RPS6KA2: variants seen among roughly 807,000 people sequenced by gnomAD.
RPS6KA2 encodes ribosomal protein S6 kinase alpha-2.
Under a neutral mutation model 91.8 loss-of-function variants are expected in RPS6KA2, and 42 were observed. The observed-to-expected ratio is 0.46, with a 90% confidence interval of 0.36 to 0.59. The LOEUF (loss-of-function observed/expected upper bound fraction) is 0.59. Among genes scored for constraint, RPS6KA2 ranks in the 20% least tolerant of loss-of-function variants. The pLI is 0.00. For synonymous variants in RPS6KA2, 414 were observed against 393.6 expected, an observed-to-expected ratio of 1.05 and a Z score of -0.61; for missense variants, 798 against 978.5, an observed-to-expected ratio of 0.82 and a Z score of 2.46.
intron 2 of RPS6KA2, among the ~76,000 whole-genome samples, chr6:166,804,596 G>T (rs1779444967): frequency 6.6e-6 from 1 of 151,704 alleles, no homozygotes; most frequent in African/African-American, 2.4e-5. Flanking sequence ...TCAATGAGAG[G>T]TCTAGGCATT....
intron 2 of RPS6KA2, among the ~76,000 whole-genome samples, chr6:166,815,851 T>C (rs1779747143): frequency 6.6e-6 from 1 of 152,198 alleles, no homozygotes; most frequent in Admixed American, 6.5e-5. Context: ...TTGCCTACTT[T>C]TCCTTAGGCC....
chr6:166,604,903 G>C (rs1167619682), intron 1 of RPS6KA2, among the ~76,000 whole-genome samples: 2 of 152,060 alleles, frequency 1.3e-5, no homozygotes, highest in African/African-American at 4.8e-5. Context: ...AGTTCTGCTT[G>C]ACACTTAAAT....
intron 2 of RPS6KA2, among the ~76,000 whole-genome samples, chr6:166,685,583 G>GATT (rs1184226856): frequency 6.6e-6 from 1 of 152,122 alleles, no homozygotes; most frequent in African/African-American, 2.4e-5. Context: ...CATTCCCTAG[G>GATT]ATTAGGGAAG....
chr6:166,626,937 C>A lies in RPS6KA2; in HGVS notation c.83G>T (p.Ser28Ile). 6.5e-7 allele frequency: 1 copy of A among 1,549,328 alleles called. No individual in the cohort carries two copies. The highest frequency in any genetic ancestry group is 1.2e-5 in the South Asian group (1 of 84,310). The change falls in exon 1 of 21, where the codon AGC becomes ATC. Residue 28 changes from serine (S) to isoleucine (I), a missense_variant. By Grantham distance (142) the Ser-to-Ile change is moderately radical. Coordinates refer to ENST00000265678, the MANE Select transcript of RPS6KA2 (RefSeq NM_021135.6). The surrounding 1 kb of genome is among the most constrained non-coding windows in gnomAD (Gnocchi z 4.1). ...LRRKSRSKSS[S>I]LSRLEEEGVV... ...CCGCATTACCTCGAGCCGGCTCAGG[C>A]TGGAGCTCTTGGAGCGCGACTTCCT...
intron 11 of RPS6KA2, among the ~76,000 whole-genome samples, chr6:166,469,404 T>C (rs2128464715): frequency 6.6e-6 from 1 of 150,622 alleles, no homozygotes; most frequent in Non-Finnish European, 1.5e-5. Context: ...GTATCGAATC[T>C]GGGCCTGCCC....
intron 2 of RPS6KA2, among the ~76,000 whole-genome samples, chr6:166,727,397 TG>T (rs1292872255): frequency 6.6e-6 from 1 of 152,100 alleles, no homozygotes; most frequent in Non-Finnish European, 1.5e-5. Flanking sequence ...TCCTGAGGTT[TG>T]GAAGATGGGT....
At chr6:166,580,674 CT>C (rs1212582570) in intron 1 of RPS6KA2, among the ~76,000 whole-genome samples, 1 of 146,080 alleles carries the variant, frequency 6.8e-6, no homozygotes, top group Non-Finnish European at 1.5e-5. Flanking sequence ...CCCCCAACCC[CT>C]GACCCCCTCA....
intron 10 of RPS6KA2, among the ~76,000 whole-genome samples, chr6:166,485,483 A>T (rs7776293): frequency 6.6e-6 from 1 of 151,910 alleles, no homozygotes; most frequent in East Asian, 1.9e-4. Flanking sequence ...TCCCAGAAGG[A>T]TTACATCCAC....
intron 1 of RPS6KA2, among the ~76,000 whole-genome samples, chr6:166,558,577 G>C (rs1292026801): frequency 1.3e-5 from 2 of 152,192 alleles, no homozygotes; most frequent in African/African-American, 4.8e-5. Context: ...GCTGGGCTGG[G>C]GCAGGGGGAG....
intron 2 of RPS6KA2, among the ~76,000 whole-genome samples, chr6:166,829,419 G>A (rs987042130): frequency 2.0e-4 from 31 of 151,454 alleles, no homozygotes; most frequent in Admixed American, 7.9e-4. Flanking sequence ...GAGAAACCCC[G>A]TCTCTACTAA....
chr6:166,617,647 A>C (rs1786464271), intron 1 of RPS6KA2, among the ~76,000 whole-genome samples: 1 of 152,132 alleles, frequency 6.6e-6, no homozygotes, highest in Non-Finnish European at 1.5e-5. Context: ...AACCCTCTAC[A>C]CCCAAGTCCT....
At position 166,737,864 on chromosome 6, in the gene RPS6KA2, TTTGA is replaced by T. The variant is rs1790711653; in HGVS notation, c.123+120332_123+120335del. On this transcript the variant is annotated intron_variant, in intron 2 of 21. Coordinates refer to the RPS6KA2 transcript ENST00000503859. This position sits in a 1 kb window ranked among gnomAD's most constrained non-coding sequence, Gnocchi z 4.3. The stretch of plus-strand genomic sequence containing the variant: ...TTATTTTCTCATAAACAGAAATAAC[TTTGA>T]TTATGAAACGAAGCTATTTCTCATT... Among the ~76,000 whole-genome samples the T allele has an allele frequency of 6.6e-6, 1 of 152,244 alleles. No homozygotes were observed. The highest frequency in any genetic ancestry group is 2.1e-4 in the South Asian group (1 of 4,830).
Position 166,474,694 on chromosome 6 carries a change from A to G in RPS6KA2, c.908-4789T>C, listed in dbSNP as rs546265901. Among the ~76,000 whole-genome samples, 304 of 152,326 alleles carry G rather than the reference A, an allele frequency of 2.0e-3. 3 individuals carry two copies. Among genetic ancestry groups the G allele is most frequent in the African/African-American group, 6.9e-3 (286 of 41,574 alleles). Reference sequence around the variant, plus strand: ...AGTTCCTGATCTCAGTGCAGGATACATTTACAGCTGTTTCTAGACATCACT... The same window carrying G: ...AGTTCCTGATCTCAGTGCAGGATACGTTTACAGCTGTTTCTAGACATCACT... On this transcript the variant is annotated intron_variant, in intron 10 of 20. Transcript: ENST00000265678.
At chr6:166,671,552 C>T (rs566011422) in intron 2 of RPS6KA2, among the ~76,000 whole-genome samples, 104 of 152,290 alleles carry the variant, frequency 6.8e-4, no homozygotes, top group Non-Finnish European at 1.2e-3. Flanking sequence ...GTTTCAACCA[C>T]ACCAGCCCAG....
rs1474833369 is a variant in RPS6KA2, at chr6:166,448,662, C to T, written c.1332+62G>A. The T allele has an allele frequency of 1.2e-5, 19 of 1,535,822 alleles. No homozygotes were observed. The highest frequency in any genetic ancestry group is 2.4e-5 in the South Asian group (2 of 83,490). On this transcript the variant is annotated intron_variant, in intron 14 of 20. Transcript: ENST00000265678. The surrounding 1 kb of genome is among the most constrained non-coding windows in gnomAD (Gnocchi z 4.7). Reference sequence around the variant, plus strand: ...TCCTATGCTCCGTGCTCCCACATACCACACGTGCTCCCACGCGCTGCACTC... The same window carrying T: ...TCCTATGCTCCGTGCTCCCACATACTACACGTGCTCCCACGCGCTGCACTC...
chr6:166,506,559 G>T (rs1013455763), intron 5 of RPS6KA2, among the ~76,000 whole-genome samples: 7 of 152,214 alleles, frequency 4.6e-5, no homozygotes, highest in African/African-American at 1.7e-4. Context: ...AAAGGCCTTT[G>T]TGTAGAGCTT....
chr6:166,492,840 C>G (rs2235277), intron 8 of RPS6KA2, among the ~76,000 whole-genome samples: 37,319 of 150,886 alleles, frequency 0.25, 5,703 homozygotes, highest in East Asian at 0.52. Flanking sequence ...CTCCACCTCC[C>G]GAGTAGCTGG....
At chr6:166,785,532 C>G in intron 2 of RPS6KA2, among the ~76,000 whole-genome samples, 2 of 152,354 alleles carry the variant, frequency 1.3e-5, no homozygotes, top group African/African-American at 4.8e-5. Context: ...GGTTGCTCCA[C>G]GCCAGGCATG....
intron 2 of RPS6KA2, among the ~76,000 whole-genome samples, chr6:166,798,245 C>A (rs760411315): frequency 1.3e-5 from 2 of 152,218 alleles, no homozygotes; most frequent in Non-Finnish European, 2.9e-5. Context: ...CCCTGCAAGT[C>A]CTTGCTGTGT....
Sources: allele counts gnomAD v4.1 joint callset (sites outside exome capture counted in the v4.1 genomes callset), GRCh38; gene constraint gnomAD v4.1.1; non-coding constraint Gnocchi (gnomAD v3.1); transcripts MANE v1.5; gene names NCBI Gene and HGNC (gene_info 2026-07-23, HGNC 2026-07-21).